Variants in RAB30 observed in about 807,000 individuals in gnomAD.
RAB30 encodes RAB30, member RAS oncogene family, also known as ras-related protein Rab-30.
Under a neutral mutation model 25.1 loss-of-function variants are expected in RAB30, and 9 were observed. That is an observed-to-expected ratio of 0.36 (90% CI 0.22 to 0.63). The LOEUF is 0.63. Ranked by LOEUF, RAB30 falls within the 20% of genes least tolerant of loss-of-function variation. The pLI, the probability that RAB30 is intolerant of heterozygous loss-of-function variation, is 0.69. For missense variants in RAB30, 140 were observed against 243.5 expected (o/e 0.58, Z 2.83); for synonymous variants, 77 against 86.4 (o/e 0.89, Z 0.60).
At position 83,065,307 on chromosome 11, in the gene RAB30, T is replaced by C. The variant is rs114313881; in HGVS notation, c.-9+6384A>G. On this transcript the variant is annotated intron_variant, in intron 1 of 4. Coordinates refer to ENST00000527633, the MANE Select transcript of RAB30 (RefSeq NM_001286060.2). Reference sequence around the variant, plus strand: ...CAGGAGTCTGAGATGGGAGGATCCCTTGAGCCTAGGAGGTAGAGGTTGCAG... The same window carrying C: ...CAGGAGTCTGAGATGGGAGGATCCCCTGAGCCTAGGAGGTAGAGGTTGCAG... Among the ~76,000 whole-genome samples, 1,137 of 152,216 alleles carry C rather than the reference T, an allele frequency of 7.5e-3. 22 individuals carry two copies. The highest frequency in any genetic ancestry group is 0.026 in the African/African-American group (1,096 of 41,526).
At chr11:83,024,547 G>A (rs1430432646) in intron 1 of RAB30, among the ~76,000 whole-genome samples, 1 of 152,216 alleles carries the variant, frequency 6.6e-6, no homozygotes, top group Admixed American at 6.5e-5. Flanking sequence ...ACCTCTTATA[G>A]GGTAGGGGAA....
intron 4 of RAB30, among the ~76,000 whole-genome samples, chr11:82,984,619 G>A (rs778442779): frequency 2.6e-5 from 4 of 152,130 alleles, no homozygotes; most frequent in African/African-American, 4.8e-5. Context: ...CTCTCTTGAG[G>A]ATACTACAGA....
intron 3 of RAB30, among the ~76,000 whole-genome samples, chr11:82,989,447 T>C (rs12270685): frequency 0.019 from 2,883 of 152,294 alleles, 84 homozygotes; most frequent in African/African-American, 0.065. Context: ...ATGATACACA[T>C]GAAAGCCTGT....
chr11:83,020,278 CT>C (rs1057180819), intron 1 of RAB30, among the ~76,000 whole-genome samples: 2 of 152,264 alleles, frequency 1.3e-5, no homozygotes, highest in African/African-American at 4.8e-5. Flanking sequence ...CCTGCTCCCA[CT>C]GCCTGGCCTC....
chr11:82,983,686 G>A (rs963908423), intron 4 of RAB30, among the ~76,000 whole-genome samples: 1 of 151,896 alleles, frequency 6.6e-6, no homozygotes, highest in Non-Finnish European at 1.5e-5. Flanking sequence ...CACCTGCCTC[G>A]GCCTCCAGAA....
At chr11:82,989,263 G>T (rs1262491547) in intron 3 of RAB30, among the ~76,000 whole-genome samples, 1 of 152,098 alleles carries the variant, frequency 6.6e-6, no homozygotes, top group Non-Finnish European at 1.5e-5. Flanking sequence ...TGCTGCTGTT[G>T]CCACCAAAGA....
At chr11:83,008,983 A>G (rs115402089) in intron 1 of RAB30, among the ~76,000 whole-genome samples, 5,356 of 152,172 alleles carry the variant, frequency 0.035, 331 homozygotes, top group African/African-American at 0.12. Context: ...ATTCCCATAT[A>G]CGTTAGACTC....
chr11:83,013,430 C>T (rs1857348303), intron 1 of RAB30, among the ~76,000 whole-genome samples: 1 of 151,632 alleles, frequency 6.6e-6, no homozygotes, highest in African/African-American at 2.4e-5. Flanking sequence ...GTTTCCTCCA[C>T]TAGGCCTTAA....
chr11:83,056,104 T>C (rs193280679), intron 1 of RAB30, among the ~76,000 whole-genome samples: 7 of 152,342 alleles, frequency 4.6e-5, no homozygotes, highest in Admixed American at 2.0e-4. Context: ...TATATTCACA[T>C]TGATGTGCAG....
intron 2 of RAB30, among the ~76,000 whole-genome samples, chr11:82,995,865 T>G (rs923658363): frequency 6.6e-6 from 1 of 152,190 alleles, no homozygotes; most frequent in African/African-American, 2.4e-5. Flanking sequence ...GATCTGACCT[T>G]TCATCTATAA....
At chr11:83,042,235 T>C (rs929864952) in intron 1 of RAB30, among the ~76,000 whole-genome samples, 2 of 151,990 alleles carry the variant, frequency 1.3e-5, no homozygotes, top group African/African-American at 2.4e-5. Flanking sequence ...ATTGGAAGGA[T>C]GCTAACACCA....
intron 3 of RAB30, among the ~76,000 whole-genome samples, chr11:82,991,152 C>A (rs1044076128): frequency 1.3e-5 from 2 of 152,040 alleles, no homozygotes; most frequent in Non-Finnish European, 2.9e-5. Flanking sequence ...AGCCCGCAAA[C>A]TACTAGCAAA....
chr11:83,032,901 A>C (rs1857902441), intron 1 of RAB30, among the ~76,000 whole-genome samples: 1 of 152,044 alleles, frequency 6.6e-6, no homozygotes, highest in African/African-American at 2.4e-5. Context: ...ATCTATCAAG[A>C]ATGATAGGAA....
At chr11:83,067,580 T>C (rs1858732106) in intron 1 of RAB30, among the ~76,000 whole-genome samples, 1 of 152,234 alleles carries the variant, frequency 6.6e-6, no homozygotes, top group African/African-American at 2.4e-5. Context: ...CAGTGTTCTC[T>C]TTCTCTGAAA....
intron 1 of RAB30, among the ~76,000 whole-genome samples, chr11:83,024,369 A>G (rs1379982781): frequency 6.6e-6 from 1 of 152,206 alleles, no homozygotes; most frequent in East Asian, 1.9e-4. Context: ...TGAGGGTCTC[A>G]AACTCCAGAT....
chr11:83,025,969 G>A (rs1398681840), intron 1 of RAB30, among the ~76,000 whole-genome samples: 1 of 152,140 alleles, frequency 6.6e-6, no homozygotes, highest in African/African-American at 2.4e-5. Flanking sequence ...TGGGAGGATT[G>A]CTTGAGCCCA....
intron 1 of RAB30, among the ~76,000 whole-genome samples, chr11:83,054,534 G>C (rs1291305288): frequency 6.6e-6 from 1 of 152,058 alleles, no homozygotes; most frequent in African/African-American, 2.4e-5. Flanking sequence ...CATCTAGGTG[G>C]CTAGGAAAAA....
At chr11:82,987,417 G>T in intron 4 of RAB30, 170 bp downstream of exon 4, 1 of 576,288 alleles carries the variant, frequency 1.7e-6, no homozygotes, top group Non-Finnish European at 2.8e-6. Context: ...TGTCACCATG[G>T]GATAGGACCT....
chr11:82,982,843 C>T (rs1197010059), intron 4 of RAB30, among the ~76,000 whole-genome samples: 17 of 151,948 alleles, frequency 1.1e-4, no homozygotes, highest in Admixed American at 1.1e-3. Flanking sequence ...GCTTGGGTGA[C>T]AGAGTGAGAC....
Sources: allele counts gnomAD v4.1 joint callset (sites outside exome capture counted in the v4.1 genomes callset), GRCh38; gene constraint gnomAD v4.1.1; transcripts MANE v1.5; gene names NCBI Gene and HGNC (gene_info 2026-07-23, HGNC 2026-07-21).